CDH1: variants seen among roughly 807,000 people sequenced by gnomAD.
CDH1 encodes the protein cadherin-1.
In CDH1, 35 loss-of-function variants were observed where a neutral mutation model predicts 84.5. The observed-to-expected ratio is 0.41, with a 90% confidence interval of 0.32 to 0.55. The LOEUF (loss-of-function observed/expected upper bound fraction) is 0.55, where lower values mean the gene tolerates loss of function less well. CDH1 is among the 20% of genes least tolerant of loss of function. CDH1 has a pLI of 0.19. For synonymous variants in CDH1, 417 were observed against 439.0 expected, an observed-to-expected ratio of 0.95 and a Z score of 0.63; for missense variants, 994 against 1,126.6, an observed-to-expected ratio of 0.88 and a Z score of 1.68.
intron 2 of CDH1, among the ~76,000 whole-genome samples, chr16:68,779,527 C>G (rs908346914): frequency 2.0e-5 from 3 of 152,292 alleles, no homozygotes; most frequent in South Asian, 2.1e-4. Context: ...TGAAGATTAA[C>G]TGCAATTCTG....
At chr16:68,829,830 C>A (rs756784483) in intron 15 of CDH1, 33 bp downstream of exon 15, 3 of 1,605,922 alleles carry the variant, frequency 1.9e-6, no homozygotes, top group Non-Finnish European at 2.6e-6. Flanking sequence ...CAAAGCATGG[C>A]TCATCTCTAA....
chr16:68,760,162 C>T (rs954412454), intron 2 of CDH1, among the ~76,000 whole-genome samples: 8 of 144,594 alleles, frequency 5.5e-5, no homozygotes, highest in Admixed American at 2.1e-4. Flanking sequence ...TGCAATGGTG[C>T]GCTCTCAGCT....
Position 68,829,454 on chromosome 16 carries a change from A to G in CDH1, c.2296-200A>G, listed in dbSNP as rs182667829. ...TCTGGATCCACACATGCTACTCACAATCCTTTGGGCCATGTTTTTTTCCAG... is the reference window on the plus strand; with the variant it reads ...TCTGGATCCACACATGCTACTCACAGTCCTTTGGGCCATGTTTTTTTCCAG... On this transcript the variant is annotated intron_variant, in intron 14 of 15. Coordinates refer to ENST00000261769, the MANE Select transcript of CDH1 (RefSeq NM_004360.5). Among the ~76,000 whole-genome samples the G allele has an allele frequency of 7.2e-5, 11 of 152,262 alleles. No homozygotes were observed. In the South Asian group the frequency reaches 1.7e-3, roughly 23 times the overall value.
chr16:68,773,379 T>C (rs1487761579), intron 2 of CDH1, among the ~76,000 whole-genome samples: 6 of 151,378 alleles, frequency 4.0e-5, no homozygotes, highest in Non-Finnish European at 7.4e-5. Context: ...TCACTGCAAC[T>C]TCTGCCTCCC....
At chr16:68,789,207 T>A (rs1960146276) in intron 2 of CDH1, among the ~76,000 whole-genome samples, 1 of 152,064 alleles carries the variant, frequency 6.6e-6, no homozygotes, top group Non-Finnish European at 1.5e-5. Context: ...TTTTGTATTT[T>A]TTGTAGAGAT....
In CDH1 at chr16:68,810,355, T is replaced by G. The variant is rs1377069190; in HGVS notation, c.832+14T>G. 2 of 1,612,512 alleles carry G rather than the reference T, an allele frequency of 1.2e-6. No homozygotes were observed. The highest frequency in any genetic ancestry group is 1.7e-6 in the Non-Finnish European group (2 of 1,178,536). Reference sequence around the variant, plus strand: ...GTGCTCTTCCAGGTATATCCACTAATGAGAATCTGAATACTCAGAAAGACT... The same window carrying G: ...GTGCTCTTCCAGGTATATCCACTAAGGAGAATCTGAATACTCAGAAAGACT... On this transcript the variant is annotated intron_variant, in intron 6 of 15. Transcript: ENST00000261769.
chr16:68,829,654 G>C lies in CDH1; in HGVS notation c.2296G>C (p.Asp766His), dbSNP rs1471460728. 1 of 1,614,038 alleles carries C rather than the reference G, an allele frequency of 6.2e-7. No homozygotes were observed. Among genetic ancestry groups the C allele is most frequent in the South Asian group, 1.1e-5 (1 of 91,062 alleles). Reference sequence around the variant, plus strand: ...GTACTTCAACCTTTTTTCTCCAAAGGACTTTGACTTGAGCCAGCTGCACAG... The same window carrying C: ...GTACTTCAACCTTTTTTCTCCAAAGCACTTTGACTTGAGCCAGCTGCACAG... ...DEEGGGEEDQDFDLSQLHRGL... is the reference protein window; with the variant it reads ...DEEGGGEEDQHFDLSQLHRGL... Residue 766 changes from aspartate (D) to histidine (H), a missense_variant and splice_region_variant, in exon 15 of 16, where the codon GAC (aspartate) becomes CAC (histidine). Physicochemically the swap from Asp to His is moderately conservative, Grantham distance 81. Coordinates refer to ENST00000261769, the MANE Select transcript of CDH1 (RefSeq NM_004360.5).
At chr16:68,772,896 C>T (rs1046775503) in intron 2 of CDH1, among the ~76,000 whole-genome samples, 1 of 152,184 alleles carries the variant, frequency 6.6e-6, no homozygotes, top group Non-Finnish European at 1.5e-5. Flanking sequence ...CACTGGATTC[C>T]AGCCTGGGCA....
chr16:68,807,275 A>T (rs1440298981), intron 3 of CDH1, among the ~76,000 whole-genome samples: 1 of 152,184 alleles, frequency 6.6e-6, no homozygotes, highest in African/African-American at 2.4e-5. Flanking sequence ...ATACAGTGAG[A>T]TGAAGAGATT....
At chr16:68,781,806 C>T (rs571144423) in intron 2 of CDH1, among the ~76,000 whole-genome samples, 1 of 152,212 alleles carries the variant, frequency 6.6e-6, no homozygotes, top group East Asian at 1.9e-4. Flanking sequence ...GGATCTGAGA[C>T]TCTTTGAGAG....
chr16:68,738,495 T>G, intron 2 of CDH1, 84 bp downstream of exon 2: 1 of 887,940 alleles, frequency 1.1e-6, no homozygotes. Flanking sequence ...CACCCCTGGG[T>G]TGCAATGGGC....
rs34780285 is a variant in CDH1, at chr16:68,762,466, G to A, written c.163+24055G>A. Among the ~76,000 whole-genome samples, 216 of 152,236 alleles carry A rather than the reference G, an allele frequency of 1.4e-3. 2 individuals are homozygous for A. Among genetic ancestry groups the A allele is most frequent in the Middle Eastern group, 6.8e-3 (2 of 294 alleles). On this transcript the variant is annotated intron_variant, in intron 2 of 15. Transcript: ENST00000261769. ...TTGCTGTGGGAGGATTAGGCTGCAG[G>A]GTTACCCCATAACCCCCAGTGGAGG...
At chr16:68,738,983 T>C (rs1962486493) in intron 2 of CDH1, among the ~76,000 whole-genome samples, 1 of 118,860 alleles carries the variant, frequency 8.4e-6, no homozygotes, top group East Asian at 2.7e-4. Flanking sequence ...GGTCTTGCTC[T>C]GTTGCCCAAG....
At chr16:68,827,746 G>GC (rs1349849198) in intron 13 of CDH1, among the ~76,000 whole-genome samples, 6 of 151,728 alleles carry the variant, frequency 4.0e-5, no homozygotes, top group African/African-American at 1.5e-4. Flanking sequence ...CGCCCTGCTT[G>GC]CCCCTCTGAG....
intron 2 of CDH1, among the ~76,000 whole-genome samples, chr16:68,776,382 A>C (rs1251118610): frequency 1.3e-5 from 2 of 152,236 alleles, no homozygotes; most frequent in South Asian, 2.1e-4. Context: ...GAACATGAAT[A>C]GTGGATTAAA....
intron 8 of CDH1, among the ~76,000 whole-genome samples, chr16:68,813,036 T>G (rs919186186): frequency 6.6e-6 from 1 of 151,958 alleles, no homozygotes; most frequent in Admixed American, 6.6e-5. Flanking sequence ...GGCCTCTCCT[T>G]GTCACATCTT....
intron 15 of CDH1, among the ~76,000 whole-genome samples, chr16:68,832,881 C>T (rs1961522761): frequency 6.6e-6 from 1 of 152,062 alleles, no homozygotes; most frequent in Non-Finnish European, 1.5e-5. Context: ...CCCCCACTCC[C>T]CAGATTTAAC....
At chr16:68,754,273 T>G (rs1025013280) in intron 2 of CDH1, among the ~76,000 whole-genome samples, 4 of 151,896 alleles carry the variant, frequency 2.6e-5, no homozygotes, top group Non-Finnish European at 5.9e-5. Flanking sequence ...TAGCCAGGCC[T>G]GGTGGCATGA....
intron 15 of CDH1, among the ~76,000 whole-genome samples, chr16:68,831,230 C>T (rs1307492541): frequency 6.7e-6 from 1 of 150,004 alleles, no homozygotes; most frequent in Non-Finnish European, 1.5e-5. Flanking sequence ...AGGCACCTGC[C>T]ATCAAGCCTG....
Sources: gnomAD v4.1 joint callset for allele counts (sites outside exome capture counted in the v4.1 genomes callset) on GRCh38, gnomAD v4.1.1 for gene constraint, MANE v1.5 for transcripts, NCBI Gene and HGNC (gene_info 2026-07-23, HGNC 2026-07-21) for gene names.